TTLL5: variants seen among roughly 807,000 people sequenced by gnomAD.
TTLL5 encodes the protein tubulin tyrosine ligase like 5, also known as tubulin polyglutamylase TTLL5.
Under a neutral mutation model 168.4 loss-of-function variants are expected in TTLL5, and 132 were observed. The ratio of observed to expected loss-of-function variants is 0.78; its 90% CI spans 0.68 to 0.91. The LOEUF is 0.91. Among genes scored for constraint, TTLL5 ranks in the 40% least tolerant of loss-of-function variants. The pLI, the probability that TTLL5 is intolerant of heterozygous loss-of-function variation, is 0.00. For missense variants in TTLL5, 1,545 were observed against 1,581.5 expected (o/e 0.98, Z 0.39); for synonymous variants, 546 against 558.6 (o/e 0.98, Z 0.32).
chr14:75,880,351 T>C (rs2031741097), intron 29 of TTLL5, among the ~76,000 whole-genome samples: 1 of 152,234 alleles, frequency 6.6e-6, no homozygotes, highest in Non-Finnish European at 1.5e-5. Flanking sequence ...CAACATTTAT[T>C]GAATAGATGT....
At chr14:75,690,116 A>G in intron 5 of TTLL5, 76 bp from the exon 6 acceptor site, 2 of 1,541,300 alleles carry the variant, frequency 1.3e-6, no homozygotes, top group East Asian at 4.5e-5. Context: ...GTGAACTGTA[A>G]CTCTTTAGAA....
intron 27 of TTLL5, among the ~76,000 whole-genome samples, chr14:75,811,484 A>AT (rs1159252913): frequency 1.3e-4 from 20 of 151,902 alleles, no homozygotes; most frequent in African/African-American, 4.8e-4. Flanking sequence ...CCATTTTTTA[A>AT]TTTCTTTAGC....
chr14:75,770,093 G>A (rs73311418), intron 20 of TTLL5, among the ~76,000 whole-genome samples: 17,441 of 142,096 alleles, frequency 0.12, 1,364 homozygotes, highest in East Asian at 0.42. Flanking sequence ...CAGGAGAATC[G>A]CTTGAACCTG....
At chr14:75,685,145 G>A (rs1184070399) in intron 5 of TTLL5, among the ~76,000 whole-genome samples, 2 of 152,030 alleles carry the variant, frequency 1.3e-5, no homozygotes, top group Non-Finnish European at 2.9e-5. Context: ...ACTTTGGGAG[G>A]CCAAGGCAGA....
chr14:75,888,168 G>A (rs2032211598), intron 30 of TTLL5, among the ~76,000 whole-genome samples: 1 of 152,186 alleles, frequency 6.6e-6, no homozygotes, highest in Non-Finnish European at 1.5e-5. Flanking sequence ...GTGGCATTAG[G>A]AGGTCTCTGG....
chr14:75,759,629 A>G (rs1314330106), intron 18 of TTLL5, among the ~76,000 whole-genome samples: 1 of 152,090 alleles, frequency 6.6e-6, no homozygotes, highest in East Asian at 1.9e-4. Flanking sequence ...TAGACACAAA[A>G]TTTCTTAATA....
chr14:75,910,264 A>G (rs1271422305), intron 31 of TTLL5, among the ~76,000 whole-genome samples: 1 of 152,216 alleles, frequency 6.6e-6, no homozygotes, highest in African/African-American at 2.4e-5. Flanking sequence ...CACTTACATT[A>G]CAGAAGCACA....
intron 3 of TTLL5, among the ~76,000 whole-genome samples, chr14:75,676,106 C>T (rs1293375064): frequency 6.6e-6 from 1 of 152,160 alleles, no homozygotes; most frequent in Non-Finnish European, 1.5e-5. Flanking sequence ...CCCTTTTGTT[C>T]TATTCTTGCC....
intron 27 of TTLL5, among the ~76,000 whole-genome samples, chr14:75,805,507 T>C (rs1566611872): frequency 6.6e-6 from 1 of 152,206 alleles, no homozygotes; most frequent in African/African-American, 2.4e-5. Context: ...TACTTTCCCC[T>C]GGGATAAAGT....
In TTLL5 at chr14:75,868,778, T is replaced by G. The variant is rs75968628; in HGVS notation, c.3522+4916T>G. On this transcript the variant is annotated intron_variant, in intron 29 of 31. Coordinates refer to ENST00000298832, the MANE Select transcript of TTLL5 (RefSeq NM_015072.5). ...TCTGCCTCCTCCTGCAGGAATGAAT[T>G]CTGTTTCGCCAAGCCTTCAGCTGCT... Among the ~76,000 whole-genome samples the G allele has an allele frequency of 3.8e-3, 578 of 152,286 alleles. 2 individuals are homozygous for G. Among genetic ancestry groups the G allele is most frequent in the Non-Finnish European group, 6.7e-3 (455 of 68,022 alleles).
At chr14:75,870,717 T>G (rs1057325401) in intron 29 of TTLL5, among the ~76,000 whole-genome samples, 1 of 152,162 alleles carries the variant, frequency 6.6e-6, no homozygotes, top group Admixed American at 6.5e-5. Context: ...TTCAGAAGAC[T>G]CCCAGGAAAC....
intron 17 of TTLL5, among the ~76,000 whole-genome samples, chr14:75,750,721 G>T (rs1303306342): frequency 6.6e-6 from 1 of 152,052 alleles, no homozygotes; most frequent in Non-Finnish European, 1.5e-5. Context: ...TTGTTCAAGG[G>T]TCAACTATAT....
chr14:75,671,563 A>G (rs933446726), intron 3 of TTLL5, among the ~76,000 whole-genome samples: 1 of 152,048 alleles, frequency 6.6e-6, no homozygotes, highest in Non-Finnish European at 1.5e-5. Flanking sequence ...AATTTCTTTC[A>G]TCATGGTTTT....
intron 31 of TTLL5, among the ~76,000 whole-genome samples, chr14:75,905,374 T>G (rs1308074593): frequency 6.6e-6 from 1 of 152,240 alleles, no homozygotes; most frequent in Non-Finnish European, 1.5e-5. Flanking sequence ...CTGAATGAGA[T>G]AGTGATTCGT....
chr14:75,722,497 ACAT>A (rs1433857910), intron 12 of TTLL5, among the ~76,000 whole-genome samples: 1 of 151,710 alleles, frequency 6.6e-6, no homozygotes, highest in African/African-American at 2.4e-5. Flanking sequence ...TTTTCCTATC[ACAT>A]CATGATGTTT....
In TTLL5 at chr14:75,683,565, A is replaced by G. The variant is rs199928610; in HGVS notation, c.280A>G (p.Thr94Ala). ...HGFHEVHPSS[T>A]DYNLMWTGSH... ...CTGCCCTCAGGTTCACCCAAGCAGC[A>G]CTGACTATAACCTAATGTGGACAGG... Residue 94 changes from threonine (T) to alanine (A), a missense_variant, in exon 5 of 32, where the codon ACT becomes GCT. Physicochemically the swap from Thr to Ala is moderately conservative, Grantham distance 58 (BLOSUM62 0). Coordinates refer to ENST00000298832, the MANE Select transcript of TTLL5 (RefSeq NM_015072.5). 1.2e-6 allele frequency: 2 copies of G among 1,613,880 alleles called. No homozygotes were observed. Among genetic ancestry groups the G allele is most frequent in the Admixed American group, 1.7e-5 (1 of 60,010 alleles).
intron 20 of TTLL5, among the ~76,000 whole-genome samples, chr14:75,769,147 C>T (rs1319036910): frequency 2.0e-5 from 3 of 152,174 alleles, no homozygotes; most frequent in Non-Finnish European, 2.9e-5. Context: ...ATTATTTCTT[C>T]ATGAATCTTG....
chr14:75,773,963 G>GAT, intron 21 of TTLL5, among the ~76,000 whole-genome samples: 2 of 69,508 alleles, frequency 2.9e-5, no homozygotes, highest in African/African-American at 5.9e-5. Context: ...GAGAAAGAGA[G>GAT]AGAGAGAGAG....
At chr14:75,712,635 T>A (rs1237269769) in intron 9 of TTLL5, 1 of 151,818 alleles carries the variant, frequency 6.6e-6, no homozygotes, top group Non-Finnish European at 1.5e-5. Flanking sequence ...TTGGTAAAGA[T>A]CTTGGAGCAA....
Sources: allele counts gnomAD v4.1 joint callset (sites outside exome capture counted in the v4.1 genomes callset), GRCh38; gene constraint gnomAD v4.1.1; transcripts MANE v1.5; gene names NCBI Gene and HGNC (gene_info 2026-07-23, HGNC 2026-07-21).